The following CDK14 variants were observed in gnomAD, a reference collection of about 807,000 sequenced individuals.
CDK14 encodes cyclin-dependent kinase 14.
Under a neutral mutation model 60.7 loss-of-function variants are expected in CDK14, and 34 were observed. The observed-to-expected ratio is 0.56, with a 90% CI of 0.43 to 0.75. CDK14 has a LOEUF of 0.75. Among genes scored for constraint, CDK14 ranks in the 30% least tolerant of loss-of-function variants. The probability of loss-of-function intolerance (pLI) is 0.00; values close to 1 mark genes in which losing one functional copy is unlikely to be tolerated. For missense variants in CDK14, 482 were observed against 564.1 expected (o/e 0.85, Z 1.47); for synonymous variants, 197 against 203.7 (o/e 0.97, Z 0.28).
chr7:90,910,249 A>G (rs918120762), intron 7 of CDK14, among the ~76,000 whole-genome samples: 7 of 152,190 alleles, frequency 4.6e-5, no homozygotes, highest in Non-Finnish European at 1.0e-4. Flanking sequence ...AAATAAAACG[A>G]TTTGGGTGTA....
intron 5 of CDK14, among the ~76,000 whole-genome samples, chr7:90,821,512 G>T (rs1789549092): frequency 6.6e-6 from 1 of 152,132 alleles, no homozygotes. Flanking sequence ...GCCTCCTCAA[G>T]GGCCTGGCTA....
intron 2 of CDK14, among the ~76,000 whole-genome samples, chr7:90,687,229 A>T (rs1801456462): frequency 6.6e-6 from 1 of 152,118 alleles, no homozygotes. Flanking sequence ...TTTGAGGGAT[A>T]CGTGTAGGGT....
At chr7:91,194,404 A>T (rs1036413081) in intron 14 of CDK14, among the ~76,000 whole-genome samples, 16 of 152,180 alleles carry the variant, frequency 1.1e-4, no homozygotes, top group African/African-American at 3.9e-4. Context: ...ATAAAACTAA[A>T]ACAGCTTATT....
rs1180269345 is a variant in CDK14 at position 90,967,731 on chromosome 7, C to T, written c.947+11914C>T. On this transcript the variant is annotated intron_variant, in intron 9 of 14. Coordinates refer to ENST00000380050, the MANE Select transcript of CDK14 (RefSeq NM_001287135.2). Reference sequence around the variant, plus strand: ...GAAAGTAGTTCTTTGGATCTGTGGGCTGTATGAATCCAAAAAAAAGCTTGC... The same window carrying T: ...GAAAGTAGTTCTTTGGATCTGTGGGTTGTATGAATCCAAAAAAAAGCTTGC... 1.3e-5 allele frequency among the ~76,000 whole-genome samples: 2 copies of T among 152,058 alleles called. 1 individual carries two copies. Among genetic ancestry groups the T allele is most frequent in the East Asian group, 3.8e-4 (2 of 5,196 alleles).
intron 8 of CDK14, among the ~76,000 whole-genome samples, chr7:90,933,086 T>A (rs1322962983): frequency 6.6e-6 from 1 of 152,118 alleles, no homozygotes; most frequent in Non-Finnish European, 1.5e-5. Context: ...ATGTCTGTAA[T>A]CCCAGCACTT....
At chr7:90,919,744 T>A (rs1280333209) in intron 8 of CDK14, among the ~76,000 whole-genome samples, 3 of 152,236 alleles carry the variant, frequency 2.0e-5, no homozygotes, top group Non-Finnish European at 4.4e-5. Flanking sequence ...ATTTTTTTCA[T>A]TAATGGCCAA....
At chr7:90,647,833 A>G (rs1330900490) in intron 2 of CDK14, among the ~76,000 whole-genome samples, 5 of 152,168 alleles carry the variant, frequency 3.3e-5, no homozygotes, top group Non-Finnish European at 7.4e-5. Flanking sequence ...TCCAGCCTGG[A>G]CAACAGAGTG....
chr7:91,007,229 T>G (rs1796004427), intron 10 of CDK14, among the ~76,000 whole-genome samples: 2 of 152,232 alleles, frequency 1.3e-5, no homozygotes, highest in African/African-American at 4.8e-5. Flanking sequence ...CTGCCTGGAC[T>G]GGTTGGCACT....
intron 6 of CDK14, among the ~76,000 whole-genome samples, chr7:90,895,339 T>TCC (rs1792265297): frequency 1.1e-5 from 1 of 87,982 alleles, no homozygotes; most frequent in Admixed American, 1.1e-4. Context: ...TCCTCTCCTC[T>TCC]CCTCTCCTCT....
intron 2 of CDK14, among the ~76,000 whole-genome samples, chr7:90,640,925 C>T (rs1800312730): frequency 6.6e-6 from 1 of 152,008 alleles, no homozygotes; most frequent in African/African-American, 2.4e-5. Context: ...AATTAAAATT[C>T]TTGGCAAAGG....
intron 14 of CDK14, 44 bp from the exon 15 acceptor site, chr7:91,207,121 G>C (rs1802926209): frequency 1.3e-5 from 2 of 152,016 alleles, no homozygotes; most frequent in Non-Finnish European, 2.9e-5. Flanking sequence ...GAAATGAATG[G>C]TGTAGATTTT....
intron 11 of CDK14, among the ~76,000 whole-genome samples, chr7:91,078,787 T>C (rs1798396094): frequency 2.0e-5 from 3 of 152,336 alleles, no homozygotes; most frequent in African/African-American, 7.2e-5. Context: ...AAAAGGGACA[T>C]AGCAAATCAT....
At chr7:90,779,114 G>C (rs902574397) in intron 4 of CDK14, among the ~76,000 whole-genome samples, 1 of 151,946 alleles carries the variant, frequency 6.6e-6, no homozygotes, top group Non-Finnish European at 1.5e-5. Flanking sequence ...TTAGCTGGGC[G>C]TGGTGGTGCA....
chr7:90,602,449 A>G (rs548050929), intron 1 of CDK14, among the ~76,000 whole-genome samples: 39 of 152,342 alleles, frequency 2.6e-4, no homozygotes, highest in African/African-American at 8.2e-4. Context: ...AATGTTTTGT[A>G]AAGGACTCAT....
At chr7:90,953,830 A>G (rs1794329625) in intron 8 of CDK14, among the ~76,000 whole-genome samples, 1 of 152,182 alleles carries the variant, frequency 6.6e-6, no homozygotes, top group Non-Finnish European at 1.5e-5. Context: ...TAGTCTCCAT[A>G]TGGAACCATA....
At chr7:90,640,233 AC>A (rs1800291351) in intron 2 of CDK14, among the ~76,000 whole-genome samples, 1 of 152,060 alleles carries the variant, frequency 6.6e-6, no homozygotes, top group African/African-American at 2.4e-5. Flanking sequence ...GGAGCTGTAG[AC>A]CGGAGCTGTT....
chr7:91,007,996 G>C (rs1162916791), intron 10 of CDK14, among the ~76,000 whole-genome samples: 1 of 151,924 alleles, frequency 6.6e-6, no homozygotes, highest in Non-Finnish European at 1.5e-5. Flanking sequence ...TTCAGTGAGG[G>C]ATGGTGCTGA....
chr7:91,086,129 A>G (rs955171754), intron 12 of CDK14, among the ~76,000 whole-genome samples: 2 of 152,212 alleles, frequency 1.3e-5, no homozygotes, highest in African/African-American at 4.8e-5. Context: ...TGGAAACACT[A>G]CACTAAAGAG....
At chr7:91,053,662 C>A (rs973877018) in intron 11 of CDK14, among the ~76,000 whole-genome samples, 2 of 152,194 alleles carry the variant, frequency 1.3e-5, no homozygotes, top group African/African-American at 4.8e-5. Flanking sequence ...TGCCCACTTT[C>A]CTCATTTGCA....
Sources: allele counts gnomAD v4.1 joint callset (sites outside exome capture counted in the v4.1 genomes callset), GRCh38; gene constraint gnomAD v4.1.1; transcripts MANE v1.5; gene names NCBI Gene and HGNC (gene_info 2026-07-23, HGNC 2026-07-21).